ZNF552: variants seen among roughly 807,000 people sequenced by gnomAD.
The protein encoded by ZNF552 is zinc finger protein 552.
Under a neutral mutation model 7.2 loss-of-function variants are expected in ZNF552, and 2 were observed. The observed-to-expected ratio is 0.28, with a 90% confidence interval of 0.11 to 0.88. The LOEUF (loss-of-function observed/expected upper bound fraction) is 0.88. Among genes scored for constraint, ZNF552 ranks in the 40% least tolerant of loss-of-function variants. ZNF552 has a pLI of 0.60. For synonymous variants in ZNF552, 173 were observed against 176.5 expected (o/e 0.98, Z 0.16); for missense variants, 421 against 493.4 (o/e 0.85, Z 1.39).
Position 57,814,803 on chromosome 19 carries a change from C to A in ZNF552, c.-60G>T. 1.3e-6 allele frequency: 2 copies of A among 1,533,950 alleles called. No homozygotes were observed. Among genetic ancestry groups the A allele is most frequent in the Non-Finnish European group, 8.9e-7 (1 of 1,117,822 alleles). ...GGGCGCCGTTAAAGAGCTGCAGAGT[C>A]ACGTCTGTGCAAAGAGAAGAACGAC... On this transcript the variant is annotated 5_prime_UTR_variant, in exon 1 of 3. Transcript: ENST00000391701.
intron 2 of ZNF552, 134 bp downstream of exon 2, chr19:57,813,160 C>T: frequency 1.4e-6 from 2 of 1,456,678 alleles, no homozygotes; most frequent in Non-Finnish European, 1.8e-6. Flanking sequence ...GTATGCATAC[C>T]TCAGTCCTAC....
At chr19:57,813,126 G>A in intron 2 of ZNF552, 168 bp downstream of exon 2, 3 of 1,174,480 alleles carry the variant, frequency 2.6e-6, no homozygotes, top group Non-Finnish European at 3.5e-6. Flanking sequence ...AGGTGTTGGG[G>A]CTGCTCCAAG....
intron 2 of ZNF552, among the ~76,000 whole-genome samples, chr19:57,809,942 A>T (rs1034661279): frequency 7.9e-5 from 12 of 151,898 alleles, no homozygotes; most frequent in African/African-American, 2.9e-4. Flanking sequence ...AACACAGCAA[A>T]ACCTCTCTAC....
In ZNF552 at chr19:57,808,298, C is replaced by A; in HGVS notation, c.966G>T (p.Arg322Ser). 1 of 1,614,100 alleles carries A rather than the reference C, an allele frequency of 6.2e-7. No individual in the cohort carries two copies. The highest frequency in any genetic ancestry group is 2.2e-5 in the East Asian group (1 of 44,878). The change falls in exon 3 of 3, where the codon AGG becomes AGT. Residue 322 changes from arginine to serine, a missense_variant. Physicochemically the swap from Arg to Ser is moderately radical, Grantham distance 110. Around this residue, in one of 2 missense-constraint regions of ZNF552, gnomAD observed 299 missense variants for 293.7 expected, o/e 1.02. Transcript: ENST00000391701. ...TCCCACAATCACTGCATTCATATGGCCTTTCTCCAGTGTGAACTCTCTGGT... is the reference window on the plus strand; with the variant it reads ...TCCCACAATCACTGCATTCATATGGACTTTCTCCAGTGTGAACTCTCTGGT... ...IAHQRVHTGE[R>S]PYECSDCGKS...
At position 57,808,317 on chromosome 19, in the gene ZNF552, C is replaced by G. The variant is rs1345504533; in HGVS notation, c.947G>C (p.Arg316Thr). The G allele has an allele frequency of 6.2e-7, 1 of 1,614,126 alleles. No homozygotes were observed. Among genetic ancestry groups the G allele is most frequent in the Non-Finnish European group, 8.5e-7 (1 of 1,179,986 alleles). Residue 316 changes from arginine (R) to threonine (T), a missense_variant, in exon 3 of 3, where the codon AGA becomes ACA. Physicochemically the swap from Arg to Thr is moderately conservative, Grantham distance 71. Transcript: ENST00000391701. ...ATATGGCCTTTCTCCAGTGTGAACT[C>G]TCTGGTGTGCAATGAGGTGGTACTT... is the stretch of plus-strand genomic sequence containing the variant. ...RHKYHLIAHQ[R>T]VHTGERPYEC...
chr19:57,808,815 C>T lies in ZNF552; in HGVS notation c.449G>A (p.Ser150Asn), dbSNP rs771932145. The T allele has an allele frequency of 1.9e-6, 3 of 1,614,168 alleles. No homozygotes were observed. Among genetic ancestry groups the T allele is most frequent in the Non-Finnish European group, 2.5e-6 (3 of 1,180,044 alleles). ...EHIGEKPYRGSVEEALFAKRC... is the reference protein window; with the variant it reads ...EHIGEKPYRGNVEEALFAKRC... ...CTTCGCAAACAACGCCTCCTCAACA[C>T]TCCCTCTGTAGGGTTTCTCTCCAAT... Residue 150 changes from serine to asparagine, a missense_variant, in exon 3 of 3, where the codon AGT becomes AAT. Coordinates refer to ENST00000391701, the MANE Select transcript of ZNF552 (RefSeq NM_024762.3).
At chr19:57,811,335 G>A (rs571599554) in intron 2 of ZNF552, among the ~76,000 whole-genome samples, 5 of 152,108 alleles carry the variant, frequency 3.3e-5, no homozygotes, top group South Asian at 2.1e-4. Context: ...CACCACGCCT[G>A]GCTAATTTTT....
chr19:57,812,705 A>G (rs957753060), intron 2 of ZNF552, among the ~76,000 whole-genome samples: 1 of 152,174 alleles, frequency 6.6e-6, no homozygotes, highest in African/African-American at 2.4e-5. Context: ...AGTAGCCAGG[A>G]TTAAAAGCGT....
At chr19:57,811,960 T>C (rs1600091641) in intron 2 of ZNF552, among the ~76,000 whole-genome samples, 1 of 130,428 alleles carries the variant, frequency 7.7e-6, no homozygotes, top group African/African-American at 3.0e-5. Context: ...ACCTGGGAGG[T>C]GGAGGTTGCA....
intron 2 of ZNF552, among the ~76,000 whole-genome samples, chr19:57,812,544 C>T (rs897707830): frequency 4.6e-5 from 7 of 152,162 alleles, no homozygotes; most frequent in African/African-American, 1.7e-4. Context: ...CAGCACATGA[C>T]AGCAGACAGG....
chr19:57,809,568 T>C (rs1461721289), intron 2 of ZNF552, among the ~76,000 whole-genome samples: 1 of 151,730 alleles, frequency 6.6e-6, no homozygotes, highest in Non-Finnish European at 1.5e-5. Flanking sequence ...AATTAAGATG[T>C]GAGGTCCAGA....
Position 57,808,137 on chromosome 19 carries a change from C to A in ZNF552, c.1127G>T (p.Gly376Val). The A allele has an allele frequency of 6.2e-7, 1 of 1,614,192 alleles. No individual in the cohort carries two copies. Among genetic ancestry groups the A allele is most frequent in the Non-Finnish European group, 8.5e-7 (1 of 1,180,040 alleles). The change falls in exon 3 of 3, where the codon GGA (glycine) becomes GTA (valine). Residue 376 changes from glycine (G) to valine (V), a missense_variant. Physicochemically the swap from Gly to Val is moderately radical, Grantham distance 109. Transcript: ENST00000391701. ...TTCACTGCACCCGTAAGGCTTTTCTCCAGTGTGAACTCTCCTGTGTTTAGT... is the reference window on the plus strand; with the variant it reads ...TTCACTGCACCCGTAAGGCTTTTCTACAGTGTGAACTCTCCTGTGTTTAGT... ...SLTKHRRVHT[G>V]EKPYGCSECE...
At position 57,813,335 on chromosome 19, in the gene ZNF552, C is replaced by G. The variant is rs376900148; in HGVS notation, c.119G>C (p.Arg40Pro). The G allele has an allele frequency of 1.2e-6, 2 of 1,614,004 alleles. No homozygotes were observed. The highest frequency in any genetic ancestry group is 1.7e-6 in the Non-Finnish European group (2 of 1,180,044). The part of the protein sequence containing the change: ...LLSEAQRCLY[R>P]DVTLENLALM... ...TGCCAGGTTCTCCAGCGTCACATCA[C>G]GGTACAGGCATCTCTGAGCCTCACT... Residue 40 changes from arginine (R) to proline (P), a missense_variant, in exon 2 of 3, where the codon CGT becomes CCT. Transcript: ENST00000391701.
chr19:57,813,371 C>G lies in ZNF552; in HGVS notation c.83G>C (p.Trp28Ser), dbSNP rs1249082637. Residue 28 changes from tryptophan (W) to serine (S), a missense_variant, in exon 2 of 3, where the codon TGG (tryptophan) becomes TCG (serine). By Grantham distance (177) the Trp-to-Ser change is radical (BLOSUM62 -3). Coordinates refer to ENST00000391701, the MANE Select transcript of ZNF552 (RefSeq NM_024762.3). ...DVAVKFTQEEWNLLSEAQRCL... is the reference protein window; with the variant it reads ...DVAVKFTQEESNLLSEAQRCL... ...TCTCTGAGCCTCACTAAGGAGATTC[C>G]ATTCCTCCTGGGTAAATTTCACAGC... is the stretch of plus-strand genomic sequence containing the variant. 6.2e-7 allele frequency: 1 copy of G among 1,614,084 alleles called. No homozygotes were observed. Among genetic ancestry groups the G allele is most frequent in the South Asian group, 1.1e-5 (1 of 91,080 alleles).
intron 2 of ZNF552, among the ~76,000 whole-genome samples, chr19:57,809,564 G>T (rs565959982): frequency 6.6e-6 from 1 of 151,960 alleles, no homozygotes; most frequent in African/African-American, 2.4e-5. Context: ...ATAAAATTAA[G>T]ATGTGAGGTC....
At chr19:57,812,995 T>G (rs986775343) in intron 2 of ZNF552, 18 of 454,294 alleles carry the variant, frequency 4.0e-5, no homozygotes, top group African/African-American at 5.8e-5. Context: ...AGGAATGAAT[T>G]AGATCCCGAA....
Position 57,808,401 on chromosome 19 carries a change from C to T in ZNF552, c.863G>A (p.Arg288Lys). 6.2e-7 allele frequency: 1 copy of T among 1,613,612 alleles called. No homozygotes were observed. The highest frequency in any genetic ancestry group is 1.1e-5 in the South Asian group (1 of 91,004). ...NSKSHLLVHQ[R>K]IHTGEKPYEC... ...ATATGGCTTCTCTCCAGTGTGAATTCTCTGGTGTACAAGGAGGTGGGACTT... is the reference window on the plus strand; with the variant it reads ...ATATGGCTTCTCTCCAGTGTGAATTTTCTGGTGTACAAGGAGGTGGGACTT... The change falls in exon 3 of 3, where the codon AGA becomes AAA. Residue 288 changes from arginine (R) to lysine (K), a missense_variant. Coordinates refer to ENST00000391701, the MANE Select transcript of ZNF552 (RefSeq NM_024762.3).
At position 57,808,400 on chromosome 19, in the gene ZNF552, T is replaced by G. The variant is rs1416605026; in HGVS notation, c.864A>C (p.Arg288Ser). The G allele has an allele frequency of 1.2e-6, 2 of 1,613,666 alleles. No individual in the cohort carries two copies. Among genetic ancestry groups the G allele is most frequent in the Admixed American group, 3.3e-5 (2 of 59,978 alleles). The change falls in exon 3 of 3, where the codon AGA becomes AGC. Residue 288 changes from arginine to serine, a missense_variant. By Grantham distance (110) the Arg-to-Ser change is moderately radical (BLOSUM62 -1). Coordinates refer to ENST00000391701, the MANE Select transcript of ZNF552 (RefSeq NM_024762.3). ...CATATGGCTTCTCTCCAGTGTGAAT[T>G]CTCTGGTGTACAAGGAGGTGGGACT... ...NSKSHLLVHQRIHTGEKPYEC... is the reference protein window; with the variant it reads ...NSKSHLLVHQSIHTGEKPYEC...
intron 1 of ZNF552, chr19:57,814,296 T>C: frequency 1.7e-6 from 1 of 599,942 alleles, no homozygotes; most frequent in Non-Finnish European, 3.0e-6. Context: ...CTCTCTACTC[T>C]GTTATTTATT....
Sources: allele counts gnomAD v4.1 joint callset (sites outside exome capture counted in the v4.1 genomes callset), GRCh38; gene constraint gnomAD v4.1.1; regional missense constraint gnomAD v4.1.1; transcripts MANE v1.5; gene names NCBI Gene and HGNC (gene_info 2026-07-23, HGNC 2026-07-21).